Variants in PHLPP2 observed in about 807,000 individuals in gnomAD.
PHLPP2 encodes the protein PH domain and leucine rich repeat protein phosphatase 2.
Under a neutral mutation model 124.9 loss-of-function variants are expected in PHLPP2, and 66 were observed. The observed-to-expected ratio is 0.53, with a 90% confidence interval of 0.43 to 0.65. The LOEUF (loss-of-function observed/expected upper bound fraction) is 0.65. Ranked by LOEUF, PHLPP2 falls within the 30% of genes least tolerant of loss-of-function variation. The pLI is 0.00. For missense variants in PHLPP2, 1,685 were observed against 1,600.4 expected (o/e 1.05, Z -0.90); for synonymous variants, 681 against 624.7 (o/e 1.09, Z -1.34).
chr16:71,685,445 T>C (rs2045046401), intron 4 of PHLPP2, among the ~76,000 whole-genome samples: 1 of 152,242 alleles, frequency 6.6e-6, no homozygotes, highest in Non-Finnish European at 1.5e-5. Context: ...TATCTCACTT[T>C]GTTACGTCAC....
At chr16:71,658,514 A>T in intron 14 of PHLPP2, 139 bp downstream of exon 14, 1 of 1,184,538 alleles carries the variant, frequency 8.4e-7, no homozygotes, top group Non-Finnish European at 1.2e-6. Flanking sequence ...ACTGGAGCAC[A>T]TAAGAAGACA....
Position 71,649,597 on chromosome 16 carries a change from C to T in PHLPP2, c.3265G>A (p.Val1089Met). 1 of 1,614,150 alleles carries T rather than the reference C, an allele frequency of 6.2e-7. No individual in the cohort carries two copies. The highest frequency in any genetic ancestry group is 1.3e-5 in the African/African-American group (1 of 75,054). ...GCAGTGGACCCCACTTCACTGCTCA[C>T]CTCTGAGGTGGACATCTCACTGCTG... ...EFSSEMSTSE[V>M]SSEVGSTASD... Residue 1089 changes from valine to methionine, a missense_variant, in exon 19 of 19, where the codon GTG becomes ATG. Transcript: ENST00000568954.
chr16:71,684,357 C>G (rs2045032469), intron 5 of PHLPP2, 119 bp downstream of exon 5: 5 of 951,908 alleles, frequency 5.3e-6, no homozygotes, highest in Non-Finnish European at 8.0e-6. Flanking sequence ...AACTCCCAAC[C>G]TCAGGTGATC....
At position 71,646,673 on chromosome 16, in the gene PHLPP2, T is replaced by C. The variant is rs1159745886; in HGVS notation, c.*2217A>G. The C allele has an allele frequency of 1.7e-5, 2 of 117,654 alleles. No individual in the cohort carries two copies. The highest frequency in any genetic ancestry group is 8.4e-5 in the Admixed American group (1 of 11,916). The allele number at this position is 117,654 out of a possible 1,614,324, so 7.3% of individuals were successfully genotyped here. A position where few individuals can be genotyped will look rare whatever the true frequency, so the allele number is the denominator to read the frequency against. ...TGTTTTACATCACTCATCACTATCA[T>C]CCTGTTATTTCATTTTCATTTTTTC... On this transcript the variant is annotated 3_prime_UTR_variant, in exon 19 of 19. Transcript: ENST00000568954.
chr16:71,702,848 T>C, intron 2 of PHLPP2, 117 bp from the exon 3 acceptor site: 1 of 610,440 alleles, frequency 1.6e-6, no homozygotes, highest in Non-Finnish European at 2.8e-6. Context: ...TTCTGTCACA[T>C]GAATATACTG....
At chr16:71,711,195 G>A (rs751663726) in intron 2 of PHLPP2, among the ~76,000 whole-genome samples, 16 of 152,094 alleles carry the variant, frequency 1.1e-4, no homozygotes, top group Non-Finnish European at 1.9e-4. Context: ...GCCAAGTGTG[G>A]TGGCTCATGC....
rs1453098275 is a variant in PHLPP2 at position 71,649,755 on chromosome 16, C to T, written c.3107G>A (p.Gly1036Asp). ...CATTTCACAAGTGCAGCCTTCCTCA[C>T]CAATATTCAAATAAACTACCATCGC... ...VGAMVVYLNI[G>D]EEGCTCEMNG... Residue 1036 changes from glycine to aspartate, a missense_variant, in exon 19 of 19, where the codon GGT becomes GAT. Gly to Asp is a moderately conservative substitution (Grantham distance 94). Coordinates refer to ENST00000568954, the MANE Select transcript of PHLPP2 (RefSeq NM_015020.3). 5 of 1,614,234 alleles carry T rather than the reference C, an allele frequency of 3.1e-6. No individual in the cohort carries two copies. The highest frequency in any genetic ancestry group is 1.1e-5 in the South Asian group (1 of 91,088).
intron 1 of PHLPP2, chr16:71,715,218 G>A (rs1273815044): frequency 5.6e-6 from 1 of 178,266 alleles, no homozygotes; most frequent in African/African-American, 2.4e-5. Context: ...ATATTAGCCA[G>A]GCATGGTGGC....
chr16:71,717,355 T>C (rs1457737748), intron 1 of PHLPP2, among the ~76,000 whole-genome samples: 1 of 152,200 alleles, frequency 6.6e-6, no homozygotes, highest in Non-Finnish European at 1.5e-5. Context: ...CTTTATTGTT[T>C]AAATTTAGAA....
At chr16:71,699,179 G>C (rs1326826230) in intron 3 of PHLPP2, among the ~76,000 whole-genome samples, 5 of 152,182 alleles carry the variant, frequency 3.3e-5, no homozygotes, top group Non-Finnish European at 7.3e-5. Flanking sequence ...ACAGGAGGCA[G>C]AGAAATTCTA....
At chr16:71,698,336 C>T (rs946516205) in intron 3 of PHLPP2, among the ~76,000 whole-genome samples, 15 of 152,184 alleles carry the variant, frequency 9.9e-5, no homozygotes, top group African/African-American at 3.6e-4. Context: ...TAAAGCCCCA[C>T]TTCTTAGAGA....
chr16:71,646,155 G>A lies in PHLPP2; in HGVS notation c.*2735C>T, dbSNP rs777847030. On this transcript the variant is annotated 3_prime_UTR_variant, in exon 19 of 19. Coordinates refer to ENST00000568954, the MANE Select transcript of PHLPP2 (RefSeq NM_015020.3). ...ATTACATTCACCTGGAGACAGATAC[G>A]GGCTTTCACTGACAGCCTGTTTAGA... The A allele has an allele frequency of 2.0e-5, 3 of 152,550 alleles. No homozygotes were observed. The highest frequency in any genetic ancestry group is 6.6e-5 in the Admixed American group (1 of 15,266). 9.4% of individuals were successfully genotyped at this position (152,550 alleles called of 1,614,324 possible).
chr16:71,648,767 T>C lies in PHLPP2; in HGVS notation c.*123A>G, dbSNP rs2044670991. Reference sequence around the variant, plus strand: ...GCCTGAGCGACTGAGCAAGACTCCGTCTCAAAACAAACAAACAAAAAAAAA... The same window carrying C: ...GCCTGAGCGACTGAGCAAGACTCCGCCTCAAAACAAACAAACAAAAAAAAA... On this transcript the variant is annotated 3_prime_UTR_variant, in exon 19 of 19. Coordinates refer to ENST00000568954, the MANE Select transcript of PHLPP2 (RefSeq NM_015020.3). 1.3e-6 allele frequency: 1 copy of C among 752,628 alleles called. No individual in the cohort carries two copies. Among genetic ancestry groups the C allele is most frequent in the Non-Finnish European group, 2.2e-6 (1 of 455,684 alleles). The allele number at this position is 752,628 out of a possible 1,614,324, so 46.6% of individuals were successfully genotyped here. A position where few individuals can be genotyped will look rare whatever the true frequency, so the allele number is the denominator to read the frequency against.
At chr16:71,667,103 C>T (rs2044845942) in intron 12 of PHLPP2, 75 bp downstream of exon 12, 5 of 1,239,630 alleles carry the variant, frequency 4.0e-6, no homozygotes, top group Admixed American at 2.1e-5. Context: ...TTCCAAAGGT[C>T]ACTCCAATGA....
chr16:71,695,484 G>A (rs996101806), intron 3 of PHLPP2, among the ~76,000 whole-genome samples: 9 of 152,118 alleles, frequency 5.9e-5, no homozygotes, highest in Admixed American at 3.3e-4. Flanking sequence ...CAAGGCCGTC[G>A]GATCACCTGA....
At chr16:71,719,627 G>A (rs1433364732) in intron 1 of PHLPP2, among the ~76,000 whole-genome samples, 3 of 148,414 alleles carry the variant, frequency 2.0e-5, no homozygotes, top group Non-Finnish European at 3.0e-5. Flanking sequence ...AAAAAAAAAA[G>A]AATCTCATGA....
chr16:71,657,936 A>T (rs1005124852), intron 15 of PHLPP2, among the ~76,000 whole-genome samples: 5 of 152,218 alleles, frequency 3.3e-5, no homozygotes, highest in African/African-American at 7.2e-5. Context: ...ACAATGGATG[A>T]ACTTGTATTG....
intron 4 of PHLPP2, among the ~76,000 whole-genome samples, chr16:71,688,890 C>A (rs2045079642): frequency 6.6e-6 from 1 of 152,174 alleles, no homozygotes. Flanking sequence ...TCATTCATTT[C>A]CTGGTCAAAG....
chr16:71,705,866 A>G (rs532788651), intron 2 of PHLPP2, among the ~76,000 whole-genome samples: 1 of 152,226 alleles, frequency 6.6e-6, no homozygotes, highest in Non-Finnish European at 1.5e-5. Flanking sequence ...TAAACAAGTA[A>G]TATTTCAAGA....
Sources: gnomAD v4.1 joint callset for allele counts (sites outside exome capture counted in the v4.1 genomes callset) on GRCh38, gnomAD v4.1.1 for gene constraint, MANE v1.5 for transcripts, NCBI Gene and HGNC (gene_info 2026-07-23, HGNC 2026-07-21) for gene names.